The following ELK4 variants were observed in gnomAD, a reference collection of about 807,000 sequenced individuals.
ELK4 encodes the protein ETS domain-containing protein Elk-4.
A neutral mutation model predicts 29.6 loss-of-function variants in ELK4; 16 were observed. That is an observed-to-expected ratio of 0.54 (90% confidence interval 0.37 to 0.82). The LOEUF (loss-of-function observed/expected upper bound fraction) is 0.82, where lower values mean the gene tolerates loss of function less well. Ranked by LOEUF, ELK4 falls within the 40% of genes least tolerant of loss-of-function variation. ELK4 has a pLI of 0.00. For synonymous variants in ELK4, 213 were observed against 191.1 expected, an observed-to-expected ratio of 1.11 and a Z score of -0.95; for missense variants, 465 against 507.1, an observed-to-expected ratio of 0.92 and a Z score of 0.80.
chr1:205,625,965 C>CT (rs1670448857), intron 1 of ELK4: 1 of 1,010,568 alleles, frequency 9.9e-7, no homozygotes, highest in Non-Finnish European at 1.6e-6. Flanking sequence ...GCATAAGCCA[C>CT]TGCGCCCGGC....
At position 205,616,602 on chromosome 1, in the gene ELK4, C is replaced by T; in HGVS notation, c.1240G>A (p.Gly414Arg). The change falls in exon 5 of 5, where the codon GGG becomes AGG. Residue 414 changes from glycine to arginine, a missense_variant. Physicochemically the swap from Gly to Arg is moderately radical, Grantham distance 125. Coordinates refer to ENST00000357992, the MANE Select transcript of ELK4 (RefSeq NM_001973.4). The part of the protein sequence containing the change: ...LNSHGPFTLS[G>R]LDGPSTPGPF... ...CCAGGGGTGGAAGGTCCATCCAGCC[C>T]AGACAGAGTGAATGGCCCATGACTG... The T allele has an allele frequency of 6.2e-7, 1 of 1,614,098 alleles. No homozygotes were observed. The highest frequency in any genetic ancestry group is 8.5e-7 in the Non-Finnish European group (1 of 1,180,008).
At chr1:205,622,811 T>G (rs757992387) in intron 2 of ELK4, among the ~76,000 whole-genome samples, 1 of 152,184 alleles carries the variant, frequency 6.6e-6, no homozygotes, top group South Asian at 2.1e-4. Context: ...TAATTAGGAA[T>G]AAAATATGTG....
At chr1:205,621,482 G>C (rs968752312) in intron 2 of ELK4, among the ~76,000 whole-genome samples, 1 of 152,010 alleles carries the variant, frequency 6.6e-6, no homozygotes, top group Admixed American at 6.6e-5. Context: ...AATTCCAAAG[G>C]TATAAGCCAT....
rs769651711 is a variant in ELK4 at position 205,620,012 on chromosome 1, C to T, written c.1034G>A (p.Ser345Asn). ...SSDPSPLGIL[S>N]PSLPTASLTP... Reference sequence around the variant, plus strand: ...AAGAGAAGCTGTAGGGAGAGATGGGCTCAGTATTCCCAGTGGGCTTGGATC... The same window carrying T: ...AAGAGAAGCTGTAGGGAGAGATGGGTTCAGTATTCCCAGTGGGCTTGGATC... The change falls in exon 3 of 5, where the codon AGC becomes AAC. Residue 345 changes from serine to asparagine, a missense_variant. Ser to Asn is a conservative substitution (Grantham distance 46). Transcript: ENST00000357992. 9 of 1,614,200 alleles carry T rather than the reference C, an allele frequency of 5.6e-6. No individual in the cohort carries two copies. The African/African-American group carries it at 9.3e-5, about 17-fold the overall frequency.
rs1008914596 is a variant in ELK4 at position 205,609,497 on chromosome 1, G to A, written c.*7049C>T. ...AAGGAATAAAAAATTAATTGTATTC[G>A]TTTCTTTTCTATCTTTACATATACG... On this transcript the variant is annotated 3_prime_UTR_variant, in exon 5 of 5. Transcript: ENST00000357992. The A allele has an allele frequency of 4.7e-5, 9 of 192,574 alleles. No individual in the cohort carries two copies. In the East Asian group the frequency reaches 5.8e-4, roughly 12 times the overall value. The allele number at this position is 192,574 out of a possible 1,614,324, so 11.9% of individuals were successfully genotyped here.
rs1015031711 is a variant in ELK4, at chr1:205,623,915, G to A, written c.-9-24C>T. 3 of 1,604,748 alleles carry A rather than the reference G, an allele frequency of 1.9e-6. No homozygotes were observed. The African/African-American group carries it at 4.0e-5, about 21-fold the overall frequency. ...AGCTGAAAGAATATAGATAAGATAT[G>A]TGATAATATTAACAGCCAACACCTA... On this transcript the variant is annotated intron_variant, in intron 1 of 4. Transcript: ENST00000357992.
At position 205,610,136 on chromosome 1, in the gene ELK4, G is replaced by C. The variant is rs1197844172; in HGVS notation, c.*6410C>G. 4.3e-6 allele frequency: 1 copy of C among 232,164 alleles called. No homozygotes were observed. Among genetic ancestry groups the C allele is most frequent in the Non-Finnish European group, 8.5e-6 (1 of 117,392 alleles). 14.4% of individuals were successfully genotyped at this position (232,164 alleles called of 1,614,324 possible). The stretch of plus-strand genomic sequence containing the variant: ...CATTCTTGAATGATTCCATTGGCTA[G>C]AACTCTGGGCCAGCCACAGGAAACC... On this transcript the variant is annotated 3_prime_UTR_variant, in exon 5 of 5. Transcript: ENST00000357992.
rs542271566 is a variant in ELK4, at chr1:205,616,687, C to G, written c.1198-43G>C. On this transcript the variant is annotated intron_variant, in intron 4 of 4. Transcript: ENST00000357992. ...ACACATTATCATCCTATTACTCAAC[C>G]CCAACTTTTACTTTCTATCCTACTC... 35 of 1,560,888 alleles carry G rather than the reference C, an allele frequency of 2.2e-5. No individual in the cohort carries two copies. The Middle Eastern group carries it at 8.4e-4, about 38-fold the overall frequency.
At chr1:205,621,180 C>A (rs1571500318) in intron 2 of ELK4, among the ~76,000 whole-genome samples, 3 of 103,888 alleles carry the variant, frequency 2.9e-5, no homozygotes, top group African/African-American at 3.8e-5. Context: ...GGTGACAGAG[C>A]AAGAGTCTGT....
In ELK4 at chr1:205,620,279, G is replaced by A. The variant is rs747854041; in HGVS notation, c.767C>T (p.Ser256Leu). Residue 256 changes from serine (S) to leucine (L), a missense_variant, in exon 3 of 5, where the codon TCG becomes TTG. By Grantham distance (145) the Ser-to-Leu change is moderately radical (BLOSUM62 -2). Coordinates refer to ENST00000357992, the MANE Select transcript of ELK4 (RefSeq NM_001973.4). ...AGGTTCCTGCAAAGGGGGTATGGAC[G>A]AAATGGGTGGTGTGGTGGCAAAAGC... ...MTAFATTPPI[S>L]SIPPLQEPPR... 13 of 1,614,072 alleles carry A rather than the reference G, an allele frequency of 8.1e-6. No homozygotes were observed. Among genetic ancestry groups the A allele is most frequent in the South Asian group, 3.3e-5 (3 of 91,084 alleles).
At chr1:205,618,856 A>T in intron 4 of ELK4, 101 bp downstream of exon 4, 1 of 832,522 alleles carries the variant, frequency 1.2e-6, no homozygotes. Context: ...CATTAAATAG[A>T]AGTTTTATAA....
rs140778147 is a variant in ELK4, at chr1:205,614,267, T to C, written c.*2279A>G. The C allele has an allele frequency of 3.1e-4, 70 of 222,264 alleles. No homozygotes were observed. The highest frequency in any genetic ancestry group is 4.4e-4 in the Non-Finnish European group (49 of 111,198). The allele number at this position is 222,264 out of a possible 1,614,324, so 13.8% of individuals were successfully genotyped here. ...AGACAGTTAATTATTAAAAATACTGTCTGTGAAAACAAATCAATGGCTTTT... is the reference window on the plus strand; with the variant it reads ...AGACAGTTAATTATTAAAAATACTGCCTGTGAAAACAAATCAATGGCTTTT... On this transcript the variant is annotated 3_prime_UTR_variant, in exon 5 of 5. Coordinates refer to ENST00000357992, the MANE Select transcript of ELK4 (RefSeq NM_001973.4).
chr1:205,619,439 G>A, intron 3 of ELK4: 2 of 1,062,380 alleles, frequency 1.9e-6, no homozygotes, highest in Non-Finnish European at 2.3e-6. Flanking sequence ...TTCAGGTACA[G>A]AGGAATAATG....
chr1:205,622,449 T>A (rs1389422213), intron 2 of ELK4, among the ~76,000 whole-genome samples: 1 of 152,318 alleles, frequency 6.6e-6, no homozygotes, highest in East Asian at 1.9e-4. Context: ...TGGAGTGCAG[T>A]GGTGTGTGAT....
rs150688131 is a variant in ELK4 at position 205,612,571 on chromosome 1, C to T, written c.*3975G>A. The T allele has an allele frequency of 6.4e-3, 1,373 of 213,554 alleles. 6 individuals carry two copies. The highest frequency in any genetic ancestry group is 9.1e-3 in the Non-Finnish European group (966 of 105,720). The allele number at this position is 213,554 out of a possible 1,614,324, so 13.2% of individuals were successfully genotyped here. Reference sequence around the variant, plus strand: ...TGTGTGTTCAAAAAGGCTGGACACTCCTTTTCTGAACCACTGCTTCAGAGG... The same window carrying T: ...TGTGTGTTCAAAAAGGCTGGACACTTCTTTTCTGAACCACTGCTTCAGAGG... On this transcript the variant is annotated 3_prime_UTR_variant, in exon 5 of 5. Transcript: ENST00000357992.
Position 205,619,700 on chromosome 1 carries a change from G to GT in ELK4, c.1080+265dup, listed in dbSNP as rs1353408307. On this transcript the variant is annotated intron_variant, in intron 3 of 4. Transcript: ENST00000357992. Reference sequence around the variant, plus strand: ...ACCGAGAGAGAGCGAGAGAGTGTGTGTACTTTCTTTAGGAGGAAATAGAAA... The same window carrying GT: ...ACCGAGAGAGAGCGAGAGAGTGTGTGTTACTTTCTTTAGGAGGAAATAGAAA... 2.0e-5 allele frequency: 28 copies of GT among 1,432,790 alleles called. No homozygotes were observed. In the East Asian group the frequency reaches 7.1e-4, roughly 36 times the overall value. 88.8% of individuals were successfully genotyped at this position (1,432,790 alleles called of 1,614,324 possible).
chr1:205,617,362 C>G (rs1670248195), intron 4 of ELK4, among the ~76,000 whole-genome samples: 1 of 151,972 alleles, frequency 6.6e-6, no homozygotes, highest in African/African-American at 2.4e-5. Context: ...CAGAGATAGT[C>G]AACCATGAAT....
In ELK4 at chr1:205,607,978, A is replaced by G; in HGVS notation, c.*8568T>C. ...AAAAATATTTATTTAAAAAAATACA[A>G]CTGCTGTCCATATCTAGTTGCACAT... On this transcript the variant is annotated 3_prime_UTR_variant, in exon 5 of 5. Transcript: ENST00000357992. 1 of 175,328 alleles carries G rather than the reference A, an allele frequency of 5.7e-6. No individual in the cohort carries two copies. Among genetic ancestry groups the G allele is most frequent in the African/African-American group, 2.4e-5 (1 of 42,250 alleles). The allele number at this position is 175,328 out of a possible 1,614,324, so 10.9% of individuals were successfully genotyped here. A position where few individuals can be genotyped will look rare whatever the true frequency, so the allele number is the denominator to read the frequency against.
chr1:205,626,112 C>T (rs887871521), intron 1 of ELK4: 2 of 828,018 alleles, frequency 2.4e-6, no homozygotes, highest in Admixed American at 1.7e-5. Context: ...AGACTTCTTT[C>T]TCTACGTTGC....
Sources: gnomAD v4.1 joint callset for allele counts (sites outside exome capture counted in the v4.1 genomes callset) on GRCh38, gnomAD v4.1.1 for gene constraint, MANE v1.5 for transcripts, NCBI Gene and HGNC (gene_info 2026-07-23, HGNC 2026-07-21) for gene names.